The following SNX25 variants were observed in gnomAD, a reference collection of about 807,000 sequenced individuals.
The protein encoded by SNX25 is sorting nexin 25, also known as sorting nexin-25.
In SNX25, 62 loss-of-function variants were observed where a neutral mutation model predicts 113.7. The observed-to-expected ratio is 0.55, with a 90% CI of 0.44 to 0.67. The LOEUF (loss-of-function observed/expected upper bound fraction) is 0.67. Ranked by LOEUF, SNX25 falls within the 30% of genes least tolerant of loss-of-function variation. SNX25 has a pLI of 0.00. For synonymous variants in SNX25, 421 were observed against 436.2 expected (o/e 0.97, Z 0.43); for missense variants, 1,014 against 1,161.0 (o/e 0.87, Z 1.84).
intron 17 of SNX25, chr4:185,362,380 C>T: frequency 1.0e-5 from 10 of 966,180 alleles, no homozygotes; most frequent in African/African-American, 1.8e-5. Flanking sequence ...AAAATATTAA[C>T]ATTTTAATTA....
intron 1 of SNX25, among the ~76,000 whole-genome samples, chr4:185,230,643 C>T (rs1029850721): frequency 6.6e-6 from 1 of 152,074 alleles, no homozygotes; most frequent in Admixed American, 6.6e-5. Flanking sequence ...AGGTGATCCA[C>T]CTGCCTCGGC....
At chr4:185,279,237 C>T (rs1161602636) in intron 5 of SNX25, among the ~76,000 whole-genome samples, 2 of 152,098 alleles carry the variant, frequency 1.3e-5, no homozygotes, top group Non-Finnish European at 2.9e-5. Context: ...CCCTGGGCTG[C>T]TCCGGTCCAG....
chr4:185,305,076 C>T (rs1754267563), intron 6 of SNX25, among the ~76,000 whole-genome samples: 1 of 151,978 alleles, frequency 6.6e-6, no homozygotes, highest in Non-Finnish European at 1.5e-5. Context: ...TAAGTGGGGC[C>T]AGGTGGAGGG....
intron 13 of SNX25, among the ~76,000 whole-genome samples, chr4:185,348,014 A>G (rs1020215247): frequency 6.6e-6 from 1 of 152,218 alleles, no homozygotes; most frequent in Non-Finnish European, 1.5e-5. Flanking sequence ...CTATTAAGAA[A>G]TCTTGGCCTA....
chr4:185,292,769 A>T (rs1476529143), intron 6 of SNX25, among the ~76,000 whole-genome samples: 2 of 152,140 alleles, frequency 1.3e-5, no homozygotes, highest in South Asian at 2.1e-4. Flanking sequence ...AAAAATTTTT[A>T]AAAATTATCC....
At chr4:185,372,908 C>A, downstream of SNX25, 1 of 1,613,210 alleles carries the variant, frequency 6.2e-7, no homozygotes. Flanking sequence ...TAGTAATACT[C>A]CACGAGATTC....
intron 5 of SNX25, among the ~76,000 whole-genome samples, chr4:185,278,388 C>T (rs191687028): frequency 7.1e-4 from 108 of 152,342 alleles, no homozygotes; most frequent in African/African-American, 2.5e-3. Context: ...TTTGAAGCTG[C>T]ATGACCTTGG....
At chr4:185,253,378 ACT>A (rs1396729327) in intron 2 of SNX25, among the ~76,000 whole-genome samples, 2 of 152,066 alleles carry the variant, frequency 1.3e-5, no homozygotes, top group African/African-American at 2.4e-5. Context: ...AAAAAAACCC[ACT>A]GTCTGAATAT....
At chr4:185,372,407 T>G (rs1302962521), downstream of SNX25, among the ~76,000 whole-genome samples, 1 of 152,220 alleles carries the variant, frequency 6.6e-6, no homozygotes, top group Non-Finnish European at 1.5e-5. Context: ...AAAAGTTTAG[T>G]GCTAAGTTGC....
At chr4:185,330,463 T>C (rs1362172053) in intron 9 of SNX25, among the ~76,000 whole-genome samples, 1 of 152,226 alleles carries the variant, frequency 6.6e-6, no homozygotes, top group African/African-American at 2.4e-5. Context: ...ATGGCGGTGC[T>C]TGTCCAAGAT....
At chr4:185,374,128 A>G (rs1364059762), downstream of SNX25, 1 of 1,606,670 alleles carries the variant, frequency 6.2e-7, no homozygotes, top group South Asian at 1.1e-5. Flanking sequence ...AAAAGAGGGA[A>G]CGTTACCTTT....
chr4:185,212,487 G>GTTT (rs1215567957), intron 1 of SNX25, among the ~76,000 whole-genome samples: 7 of 50,426 alleles, frequency 1.4e-4, no homozygotes, highest in African/African-American at 3.7e-4. Flanking sequence ...GTGTGTGTGT[G>GTTT]TGTGTTTTTT....
chr4:185,247,409 A>G (rs751748585), intron 2 of SNX25, 31 bp downstream of exon 2: 1 of 1,354,296 alleles, frequency 7.4e-7, no homozygotes, highest in South Asian at 1.2e-5. Context: ...TATAATTACC[A>G]TGTAAAGCAA....
At chr4:185,299,973 G>A (rs1375369034) in intron 6 of SNX25, among the ~76,000 whole-genome samples, 1 of 152,108 alleles carries the variant, frequency 6.6e-6, no homozygotes, top group African/African-American at 2.4e-5. Context: ...AGGAGGTTTC[G>A]CCTTTTTATT....
At chr4:185,274,005 C>T (rs1749304990) in intron 5 of SNX25, among the ~76,000 whole-genome samples, 1 of 151,776 alleles carries the variant, frequency 6.6e-6, no homozygotes, top group African/African-American at 2.4e-5. Context: ...CCCATCATAT[C>T]CTAATTCCAG....
chr4:185,302,931 G>A (rs1365596766), intron 6 of SNX25, among the ~76,000 whole-genome samples: 1 of 152,068 alleles, frequency 6.6e-6, no homozygotes, highest in East Asian at 1.9e-4. Context: ...TGTGGGCTCG[G>A]GCACTTCCAT....
intron 1 of SNX25, among the ~76,000 whole-genome samples, chr4:185,240,204 C>G (rs1743517225): frequency 1.3e-5 from 2 of 152,118 alleles, no homozygotes; most frequent in East Asian, 1.9e-4. Flanking sequence ...ATTTCTCAGT[C>G]TTTTCCCCAC....
chr4:185,333,717 G>A (rs957555377), intron 10 of SNX25, among the ~76,000 whole-genome samples: 1 of 152,144 alleles, frequency 6.6e-6, no homozygotes, highest in Non-Finnish European at 1.5e-5. Flanking sequence ...TTACAAAATT[G>A]TGTAGGAAGA....
At chr4:185,305,407 GTTT>G (rs1015580680) in intron 6 of SNX25, among the ~76,000 whole-genome samples, 3 of 152,146 alleles carry the variant, frequency 2.0e-5, no homozygotes, top group Admixed American at 1.3e-4. Context: ...TACTGTTGGT[GTTT>G]TTCTTTTTTT....
Sources: gnomAD v4.1 joint callset for allele counts (sites outside exome capture counted in the v4.1 genomes callset) on GRCh38, gnomAD v4.1.1 for gene constraint, MANE v1.5 for transcripts, NCBI Gene and HGNC (gene_info 2026-07-23, HGNC 2026-07-21) for gene names.